Variants in LYPLAL1 observed in about 807,000 individuals in gnomAD.
The protein encoded by LYPLAL1 is lysophospholipase like 1, also known as lysophospholipase-like protein 1.
Under a neutral mutation model 19.7 loss-of-function variants are expected in LYPLAL1, and 23 were observed. The ratio of observed to expected loss-of-function variants is 1.17; its 90% CI spans 0.84 to 1.65. The LOEUF (loss-of-function observed/expected upper bound fraction) is 1.65, where lower values mean the gene tolerates loss of function less well. LYPLAL1 is among the 40% of genes most tolerant of loss of function. LYPLAL1 has a pLI of 0.00. For missense variants in LYPLAL1, 355 were observed against 279.4 expected (o/e 1.27, Z -1.93); for synonymous variants, 119 against 96.3 (o/e 1.24, Z -1.38).
chr1:219,440,022 CACAT>C, the LYPLAL1 span, among the ~76,000 whole-genome samples: 3 of 128,848 alleles, frequency 2.3e-5, no homozygotes, highest in South Asian at 2.3e-4. Context: ...TACACACACA[CACAT>C]ATATATATAT....
At chr1:219,285,623 G>A in the LYPLAL1 span, among the ~76,000 whole-genome samples, 1 of 152,250 alleles carries the variant, frequency 6.6e-6, no homozygotes, top group Admixed American at 6.5e-5. Flanking sequence ...GACATGAAAG[G>A]CCACATATTG....
chr1:219,228,952 T>A, the LYPLAL1 span, among the ~76,000 whole-genome samples: 2 of 152,056 alleles, frequency 1.3e-5, no homozygotes, highest in African/African-American at 4.8e-5. Context: ...GTGCTAGGAT[T>A]ACAGACGTGA....
the LYPLAL1 span, among the ~76,000 whole-genome samples, chr1:219,320,549 T>A: frequency 1.3e-5 from 2 of 152,166 alleles, no homozygotes; most frequent in Non-Finnish European, 2.9e-5. Flanking sequence ...CATTAACTCG[T>A]TATTTACATT....
chr1:219,251,548 GA>G, the LYPLAL1 span, among the ~76,000 whole-genome samples: 4 of 116,274 alleles, frequency 3.4e-5, no homozygotes, highest in Non-Finnish European at 7.6e-5. Context: ...TTTCCCCACT[GA>G]TTTTTTTTTG....
chr1:219,287,748 G>A, the LYPLAL1 span, among the ~76,000 whole-genome samples: 1 of 152,190 alleles, frequency 6.6e-6, no homozygotes, highest in East Asian at 1.9e-4. Flanking sequence ...CCCAAATCTC[G>A]TGTCGAACTG....
chr1:219,376,095 G>A, the LYPLAL1 span, among the ~76,000 whole-genome samples: 2 of 152,058 alleles, frequency 1.3e-5, no homozygotes, highest in Non-Finnish European at 2.9e-5. Context: ...AAATAGTGTG[G>A]TACTGGTAAA....
rs879442791 is a variant in LYPLAL1, at chr1:219,195,332, C to CCTTATATTA, written c.361+2081_361+2082insCTTATATTA. ...AGGGGTAAGTAAAAGGATGAGAAGT[C>CCTTATATTA]TGACATGGAGAAACCAGTATAATAT... On this transcript the variant is annotated intron_variant, in intron 3 of 4. Coordinates refer to ENST00000366928, the MANE Select transcript of LYPLAL1 (RefSeq NM_138794.5). 6.8e-3 allele frequency among the ~76,000 whole-genome samples: 1,040 copies of CCTTATATTA among 152,070 alleles called. 3 individuals are homozygous for CCTTATATTA. Among genetic ancestry groups the CCTTATATTA allele is most frequent in the Non-Finnish European group, 0.01 (688 of 67,982 alleles).
chr1:219,272,995 A>G, the LYPLAL1 span: 4 of 152,218 alleles, frequency 2.6e-5, no homozygotes, highest in African/African-American at 9.6e-5. Context: ...CCTATAAATT[A>G]GATTTAGCAG....
the LYPLAL1 span, among the ~76,000 whole-genome samples, chr1:219,408,454 G>A: frequency 6.6e-6 from 1 of 152,232 alleles, no homozygotes; most frequent in East Asian, 1.9e-4. Flanking sequence ...AGCTTGTGCT[G>A]AAGTGTATGA....
the LYPLAL1 span, among the ~76,000 whole-genome samples, chr1:219,312,101 C>T: frequency 6.6e-6 from 1 of 152,076 alleles, no homozygotes; most frequent in Non-Finnish European, 1.5e-5. Flanking sequence ...AGAATGAATG[C>T]TGGTGCATTG....
the LYPLAL1 span, among the ~76,000 whole-genome samples, chr1:219,428,860 TA>T: frequency 6.6e-6 from 1 of 152,230 alleles, no homozygotes; most frequent in Non-Finnish European, 1.5e-5. Context: ...CCCATACTTT[TA>T]TCATAGCCTT....
the LYPLAL1 span, among the ~76,000 whole-genome samples, chr1:219,444,160 G>A: frequency 6.6e-6 from 1 of 152,090 alleles, no homozygotes; most frequent in South Asian, 2.1e-4. Context: ...AGAAACAGTA[G>A]AACCCCCCTT....
At chr1:219,281,420 G>A in the LYPLAL1 span, among the ~76,000 whole-genome samples, 7 of 152,082 alleles carry the variant, frequency 4.6e-5, no homozygotes, top group African/African-American at 1.7e-4. Flanking sequence ...TCTAAATAAG[G>A]TAAATCTAAG....
At chr1:219,283,258 T>C in the LYPLAL1 span, among the ~76,000 whole-genome samples, 7 of 152,202 alleles carry the variant, frequency 4.6e-5, no homozygotes, top group East Asian at 9.6e-4. Context: ...TCATTTATGA[T>C]GTAACTTTGA....
the LYPLAL1 span, among the ~76,000 whole-genome samples, chr1:219,373,824 A>G: frequency 6.7e-6 from 1 of 149,084 alleles, no homozygotes; most frequent in Non-Finnish European, 1.5e-5. Flanking sequence ...TGTTTCAAAG[A>G]GATTTGCAGC....
the LYPLAL1 span, among the ~76,000 whole-genome samples, chr1:219,388,853 T>C: frequency 6.6e-6 from 1 of 152,182 alleles, no homozygotes; most frequent in Non-Finnish European, 1.5e-5. Flanking sequence ...TATTACTTGA[T>C]GAGACTACTC....
the LYPLAL1 span, among the ~76,000 whole-genome samples, chr1:219,255,390 A>T: frequency 1.3e-5 from 2 of 151,876 alleles, no homozygotes; most frequent in Non-Finnish European, 2.9e-5. Flanking sequence ...TGTATTTTTA[A>T]AATTCAATTT....
At chr1:219,227,464 T>A in the LYPLAL1 span, among the ~76,000 whole-genome samples, 1 of 152,240 alleles carries the variant, frequency 6.6e-6, no homozygotes, top group Non-Finnish European at 1.5e-5. Context: ...TATTTTTGCA[T>A]CTTTTTGTTC....
At chr1:219,264,532 A>G in the LYPLAL1 span, among the ~76,000 whole-genome samples, 10 of 152,330 alleles carry the variant, frequency 6.6e-5, no homozygotes, top group African/African-American at 1.2e-4. Flanking sequence ...CTTTATGCCT[A>G]TGAATCTAGG....
Sources: gnomAD v4.1 joint callset for allele counts (sites outside exome capture counted in the v4.1 genomes callset) on GRCh38, gnomAD v4.1.1 for gene constraint, MANE v1.5 for transcripts, NCBI Gene and HGNC (gene_info 2026-07-23, HGNC 2026-07-21) for gene names.